The following PSMA1 variants were observed in gnomAD, a reference collection of about 807,000 sequenced individuals.
PSMA1 encodes the protein proteasome subunit alpha type-1.
A neutral mutation model predicts 38.4 loss-of-function variants in PSMA1; 3 were observed. That is an observed-to-expected ratio of 0.08 (90% CI 0.04 to 0.20). The LOEUF (loss-of-function observed/expected upper bound fraction) is 0.20, where lower values mean the gene tolerates loss of function less well. Ranked by LOEUF, PSMA1 falls within the 10% of genes least tolerant of loss-of-function variation. The pLI is 1.00. For missense variants in PSMA1, 227 were observed against 325.3 expected (o/e 0.70, Z 2.32); for synonymous variants, 101 against 107.1 (o/e 0.94, Z 0.35).
chr11:14,567,775 C>A (rs1219967115), intron 2 of PSMA1, among the ~76,000 whole-genome samples: 1 of 152,156 alleles, frequency 6.6e-6, no homozygotes, highest in East Asian at 1.9e-4. Context: ...ACGTTTTTCT[C>A]ATTTTTGTGT....
intron 2 of PSMA1, among the ~76,000 whole-genome samples, chr11:14,589,572 G>A (rs553633227): frequency 7.2e-5 from 11 of 152,048 alleles, no homozygotes; most frequent in African/African-American, 2.4e-4. Flanking sequence ...CTTACACACC[G>A]TATAGAAAGA....
At chr11:14,587,664 T>C (rs1022096202) in intron 2 of PSMA1, among the ~76,000 whole-genome samples, 2 of 151,676 alleles carry the variant, frequency 1.3e-5, no homozygotes, top group African/African-American at 2.4e-5. Flanking sequence ...GCTTGGAAAC[T>C]GGAGGGACCT....
rs182584671 is a variant in PSMA1, at chr11:14,532,462, C to T, written c.22-13421G>A. ...TCTACTAAAAATACAAAACTTAGCCCGGCGTAGTGGCACATGCCTGTAGTC... is the reference window on the plus strand; with the variant it reads ...TCTACTAAAAATACAAAACTTAGCCTGGCGTAGTGGCACATGCCTGTAGTC... On this transcript the variant is annotated intron_variant, in intron 2 of 10. Coordinates refer to the PSMA1 transcript ENST00000418988. Among the ~76,000 whole-genome samples the T allele has an allele frequency of 3.7e-3, 569 of 151,902 alleles. 1 individual carries two copies. The highest frequency in any genetic ancestry group is 9.0e-3 in the African/African-American group (371 of 41,450).
chr11:14,527,676 C>A (rs1205297464), intron 2 of PSMA1, among the ~76,000 whole-genome samples: 4 of 152,152 alleles, frequency 2.6e-5, no homozygotes, highest in African/African-American at 9.7e-5. Context: ...TAGACACTTT[C>A]ACTGGCTGGG....
At chr11:14,505,530 TTTTTC>T (rs1394196938) in intron 9 of PSMA1, among the ~76,000 whole-genome samples, 27 of 149,420 alleles carry the variant, frequency 1.8e-4, no homozygotes, top group Middle Eastern at 3.4e-3. Context: ...TGCAGATTTC[TTTTTC>T]TTTTTCTTTT....
intron 2 of PSMA1, among the ~76,000 whole-genome samples, chr11:14,596,578 G>A (rs1391942287): frequency 1.3e-5 from 2 of 152,164 alleles, no homozygotes; most frequent in African/African-American, 4.8e-5. Context: ...TGCTTGTGAT[G>A]TTTGCACATT....
chr11:14,579,410 G>A (rs1852256067), intron 2 of PSMA1, among the ~76,000 whole-genome samples: 1 of 150,776 alleles, frequency 6.6e-6, no homozygotes. Flanking sequence ...CTGTTATAAG[G>A]ATACTTGGAA....
intron 2 of PSMA1, among the ~76,000 whole-genome samples, chr11:14,607,096 A>T (rs1381974905): frequency 6.6e-6 from 1 of 152,210 alleles, no homozygotes; most frequent in Non-Finnish European, 1.5e-5. Context: ...CTTCTTCCAA[A>T]CTTATCAATA....
intron 2 of PSMA1, among the ~76,000 whole-genome samples, chr11:14,563,186 T>A (rs902104512): frequency 1.3e-5 from 2 of 152,244 alleles, no homozygotes; most frequent in Non-Finnish European, 2.9e-5. Context: ...TTGTAACAAC[T>A]ATTTTACAAT....
chr11:14,609,268 A>T (rs1374137871), intron 2 of PSMA1, among the ~76,000 whole-genome samples: 1 of 152,238 alleles, frequency 6.6e-6, no homozygotes, highest in Non-Finnish European at 1.5e-5. Context: ...AGTTATCTGC[A>T]TAACGATAGG....
At chr11:14,620,067 C>T (rs202024072) in intron 1 of PSMA1, among the ~76,000 whole-genome samples, 10 of 149,652 alleles carry the variant, frequency 6.7e-5, no homozygotes, top group Non-Finnish European at 8.9e-5. Flanking sequence ...TGTGTGTGTG[C>T]GTGTGTGTGT....
At chr11:14,584,664 T>A (rs1846610289) in intron 2 of PSMA1, among the ~76,000 whole-genome samples, 1 of 152,140 alleles carries the variant, frequency 6.6e-6, no homozygotes, top group African/African-American at 2.4e-5. Context: ...CTGTCTCATA[T>A]CCCCCTTCCT....
chr11:14,518,905 A>AT, intron 2 of PSMA1, 92 bp downstream of exon 2: 1 of 1,045,316 alleles, frequency 9.6e-7, no homozygotes, highest in East Asian at 2.5e-5. Flanking sequence ...ATTATATTCC[A>AT]TTTTCCCCAA....
intron 1 of PSMA1, among the ~76,000 whole-genome samples, chr11:14,614,070 A>G (rs1443848513): frequency 6.6e-6 from 1 of 152,208 alleles, no homozygotes; most frequent in African/African-American, 2.4e-5. Flanking sequence ...TCACTGGGAT[A>G]TGGGTTTAAA....
intron 2 of PSMA1, among the ~76,000 whole-genome samples, chr11:14,543,112 T>C (rs1451849182): frequency 2.0e-5 from 3 of 152,218 alleles, no homozygotes; most frequent in Non-Finnish European, 4.4e-5. Context: ...ATTACAAGCG[T>C]GAGCCACTGT....
chr11:14,570,191 A>G (rs1852121088), intron 2 of PSMA1, among the ~76,000 whole-genome samples: 1 of 152,152 alleles, frequency 6.6e-6, no homozygotes, highest in South Asian at 2.1e-4. Context: ...GGACATCCGT[A>G]CCAAAACCCC....
chr11:14,577,807 T>G (rs1454537714), intron 2 of PSMA1, among the ~76,000 whole-genome samples: 1 of 152,116 alleles, frequency 6.6e-6, no homozygotes, highest in Non-Finnish European at 1.5e-5. Context: ...TCCTTAACTA[T>G]TGTGTTAAGG....
chr11:14,533,261 T>C (rs748531558), intron 2 of PSMA1, among the ~76,000 whole-genome samples: 2 of 152,370 alleles, frequency 1.3e-5, no homozygotes, highest in Admixed American at 6.5e-5. Context: ...TGAATTATTA[T>C]AGAAGTACCT....
intron 1 of PSMA1, among the ~76,000 whole-genome samples, chr11:14,638,125 A>G (rs1362134543): frequency 2.0e-5 from 3 of 152,206 alleles, no homozygotes; most frequent in Non-Finnish European, 4.4e-5. Flanking sequence ...AGGTAACATG[A>G]GACTTTAAGT....
Sources: allele counts gnomAD v4.1 joint callset (sites outside exome capture counted in the v4.1 genomes callset), GRCh38; gene constraint gnomAD v4.1.1; transcripts MANE v1.5; gene names NCBI Gene and HGNC (gene_info 2026-07-23, HGNC 2026-07-21).